Variants in GPA33 observed in about 807,000 individuals in gnomAD.
GPA33 encodes glycoprotein A33.
Under a neutral mutation model 35.6 loss-of-function variants are expected in GPA33, and 27 were observed. The ratio of observed to expected loss-of-function variants is 0.76; its 90% confidence interval spans 0.56 to 1.04. The LOEUF is 1.04. Among genes scored for constraint, GPA33 ranks in the 50% least tolerant of loss-of-function variants. The pLI, the probability that GPA33 is intolerant of heterozygous loss-of-function variation, is 0.00. For missense variants in GPA33, 428 were observed against 411.9 expected, an observed-to-expected ratio of 1.04 and a Z score of -0.34; for synonymous variants, 176 against 164.0, an observed-to-expected ratio of 1.07 and a Z score of -0.56.
In GPA33 at chr1:167,073,520, G is replaced by A. The variant is rs1666762720; in HGVS notation, c.63C>T (p.Ala21=). ...CGTCCTGCGGAGTTTCCACAGAGAT[G>A]GCATCGACGGTCACCCTGACTGGAA... ...TLCAVRVTVD[A]ISVETPQDVL... Residue 21 remains alanine (A), a synonymous_variant, in exon 2 of 7, where the codon GCC becomes GCT. Coordinates refer to ENST00000367868, the MANE Select transcript of GPA33 (RefSeq NM_005814.3). 6.2e-7 allele frequency: 1 copy of A among 1,613,690 alleles called. No individual in the cohort carries two copies. The highest frequency in any genetic ancestry group is 1.7e-5 in the Admixed American group (1 of 59,964).
chr1:167,084,568 A>G (rs1270772124), intron 1 of GPA33, among the ~76,000 whole-genome samples: 1 of 152,212 alleles, frequency 6.6e-6, no homozygotes, highest in Non-Finnish European at 1.5e-5. Flanking sequence ...GCCCTAAGAA[A>G]CTAGCAGCTT....
Position 167,069,135 on chromosome 1 carries a change from T to C in GPA33, c.202A>G (p.Arg68Gly), listed in dbSNP as rs1323248859. 6 of 1,610,334 alleles carry C rather than the reference T, an allele frequency of 3.7e-6. No homozygotes were observed. In the South Asian group the frequency reaches 6.6e-5, roughly 18 times the overall value. The change falls in exon 3 of 7, where the codon AGG becomes GGG. Residue 68 changes from arginine to glycine, a missense_variant. Physicochemically the swap from Arg to Gly is moderately radical, Grantham distance 125. Transcript: ENST00000367868. ...TTTGAAAACGGCCAGATGACCACCC[T>C]TTCCTGGAGAGAGAAGAAATGGCAC... ...WDKLLLTHTE[R>G]VVIWPFSNKN...
chr1:167,086,756 G>GA (rs1401158008), intron 1 of GPA33, among the ~76,000 whole-genome samples: 3 of 152,168 alleles, frequency 2.0e-5, no homozygotes, highest in South Asian at 4.1e-4. Context: ...TATGGGGGGA[G>GA]AAAAAACATT....
intron 3 of GPA33, among the ~76,000 whole-genome samples, chr1:167,068,294 GTTCC>G (rs1325533553): frequency 6.6e-6 from 1 of 152,192 alleles, no homozygotes; most frequent in African/African-American, 2.4e-5. Flanking sequence ...CTTTGAGTCA[GTTCC>G]TTCCTTTCTC....
At chr1:167,066,635 C>A (rs545858801) in intron 3 of GPA33, among the ~76,000 whole-genome samples, 2 of 152,362 alleles carry the variant, frequency 1.3e-5, no homozygotes, top group South Asian at 4.1e-4. Context: ...ACATGTGGGG[C>A]CCGTGAGACC....
intron 2 of GPA33, among the ~76,000 whole-genome samples, chr1:167,072,112 C>T (rs559272423): frequency 6.9e-4 from 104 of 151,482 alleles, no homozygotes; most frequent in African/African-American, 2.4e-3. Context: ...TCCCTTGGTG[C>T]GTCTGACCAA....
chr1:167,059,425 T>C (rs749980093), intron 4 of GPA33, among the ~76,000 whole-genome samples: 22 of 152,162 alleles, frequency 1.4e-4, no homozygotes, highest in African/African-American at 4.8e-4. Flanking sequence ...GAGAACCTCC[T>C]GTCTCACCAA....
chr1:167,085,909 A>T (rs1040325098), intron 1 of GPA33, among the ~76,000 whole-genome samples: 2 of 152,168 alleles, frequency 1.3e-5, no homozygotes, highest in Admixed American at 1.3e-4. Flanking sequence ...AGAAACCCAG[A>T]TCCTTCCCCT....
intron 1 of GPA33, among the ~76,000 whole-genome samples, chr1:167,084,646 G>C (rs1204703035): frequency 1.3e-5 from 2 of 152,180 alleles, no homozygotes; most frequent in Admixed American, 1.3e-4. Flanking sequence ...GCACAAGCTT[G>C]TCTGTGGAGA....
In GPA33 at chr1:167,074,786, G is replaced by A. The variant is rs1174309852; in HGVS notation, c.44-1247C>T. ...AGAGATGAAATGGAAAAGTTGTGGG[G>A]GTGGGGGTGGTCTCAGATTGCATAG... On this transcript the variant is annotated intron_variant, in intron 1 of 6. Coordinates refer to ENST00000367868, the MANE Select transcript of GPA33 (RefSeq NM_005814.3). Among the ~76,000 whole-genome samples, 7 of 152,004 alleles carry A rather than the reference G, an allele frequency of 4.6e-5. 2 individuals are homozygous for A. The highest frequency in any genetic ancestry group is 4.6e-4 in the Admixed American group (7 of 15,260).
intron 1 of GPA33, among the ~76,000 whole-genome samples, chr1:167,081,496 G>T (rs1666947281): frequency 6.6e-6 from 1 of 152,246 alleles, no homozygotes; most frequent in African/African-American, 2.4e-5. Flanking sequence ...GGCAGGGAGG[G>T]AGGTGGTTTA....
chr1:167,061,593 T>G (rs920317874), intron 4 of GPA33, among the ~76,000 whole-genome samples: 4 of 135,890 alleles, frequency 2.9e-5, no homozygotes, highest in South Asian at 5.4e-4. Flanking sequence ...ACTGTTTTTT[T>G]TTTTTTTTTT....
chr1:167,066,864 A>G (rs12121643), intron 3 of GPA33, among the ~76,000 whole-genome samples: 109,127 of 152,018 alleles, frequency 0.72, 39,905 homozygotes, highest in Non-Finnish European at 0.77. Context: ...TCCCAGCCGA[A>G]ACCGAGACTG....
chr1:167,063,497 T>C (rs1032235072), intron 4 of GPA33, 85 bp downstream of exon 4: 34 of 1,280,048 alleles, frequency 2.7e-5, no homozygotes, highest in Middle Eastern at 5.6e-4. Flanking sequence ...ATCTGATCGG[T>C]CAACCCAAGT....
intron 4 of GPA33, among the ~76,000 whole-genome samples, chr1:167,056,681 TGGTGTGTGGTG>T (rs1324644689): frequency 5.5e-5 from 3 of 54,380 alleles, no homozygotes; most frequent in African/African-American, 1.3e-4. Flanking sequence ...GTGATGTGTC[TGGTGTGTGGTG>T]GGTGTGTGGT....
At chr1:167,063,006 T>C (rs930830065) in intron 4 of GPA33, among the ~76,000 whole-genome samples, 9 of 152,242 alleles carry the variant, frequency 5.9e-5, no homozygotes, top group Non-Finnish European at 1.2e-4. Context: ...TCAGGGCACG[T>C]TCATCCAAGA....
chr1:167,055,734 T>C lies in GPA33; in HGVS notation c.687A>G (p.Arg229=). Residue 229 remains arginine (R), a synonymous_variant, in exon 5 of 7, where the codon AGA becomes AGG. Transcript: ENST00000367868. ...TQFCNITVAV[R]SPSMNVALYV... ...CCCCCCGCAGGCTGCTCTTACGAGA[T>C]CTGACGGCCACCGTGATGTTGCAGA... The C allele has an allele frequency of 1.2e-6, 2 of 1,613,978 alleles. No homozygotes were observed. Among genetic ancestry groups the C allele is most frequent in the Non-Finnish European group, 1.7e-6 (2 of 1,179,954 alleles).
intron 2 of GPA33, among the ~76,000 whole-genome samples, chr1:167,071,060 A>C (rs1237277908): frequency 6.6e-6 from 1 of 152,144 alleles, no homozygotes; most frequent in Admixed American, 6.5e-5. Flanking sequence ...CTGGGGATGA[A>C]GGTTTGGGAG....
At chr1:167,056,597 A>ATAGGGTGTGTGATGGGAGTGTGATG (rs1558001605) in intron 4 of GPA33, among the ~76,000 whole-genome samples, 1 of 1,444 alleles carries the variant, frequency 6.9e-4, no homozygotes, top group Non-Finnish European at 2.0e-3. Flanking sequence ...GTATGTGTGT[A>ATAGGGTGTGTGATGGGAGTGTGATG]TGTGGTGTGT....
Sources: gnomAD v4.1 joint callset for allele counts (sites outside exome capture counted in the v4.1 genomes callset) on GRCh38, gnomAD v4.1.1 for gene constraint, MANE v1.5 for transcripts, NCBI Gene and HGNC (gene_info 2026-07-23, HGNC 2026-07-21) for gene names.